The following ABCC1 variants were observed in gnomAD, a reference collection of about 807,000 sequenced individuals.
ABCC1 encodes ATP binding cassette subfamily C member 1 (ABCC1 blood group).
Under a neutral mutation model 172.9 loss-of-function variants are expected in ABCC1, and 83 were observed. The ratio of observed to expected loss-of-function variants is 0.48; its 90% confidence interval spans 0.40 to 0.58. The LOEUF (loss-of-function observed/expected upper bound fraction) is 0.58, where lower values mean the gene tolerates loss of function less well. Among genes scored for constraint, ABCC1 ranks in the 20% least tolerant of loss-of-function variants. ABCC1 has a pLI of 0.00. For synonymous variants in ABCC1, 937 were observed against 825.2 expected (o/e 1.14, Z -2.32); for missense variants, 1,817 against 2,002.7 (o/e 0.91, Z 1.77).
At chr16:15,950,226 C>T (rs555359212) in intron 1 of ABCC1, among the ~76,000 whole-genome samples, 220 of 93,070 alleles carry the variant, frequency 2.4e-3, no homozygotes, top group African/African-American at 4.9e-3. Context: ...AAAAATACTC[C>T]GTGACCAACG....
intron 19 of ABCC1, among the ~76,000 whole-genome samples, chr16:16,100,153 C>T (rs1325178910): frequency 2.6e-5 from 4 of 152,144 alleles, no homozygotes; most frequent in Admixed American, 6.6e-5. Context: ...TCCTCTTAGG[C>T]GCTTGGTCCT....
At chr16:16,085,256 A>C (rs1302553121) in intron 17 of ABCC1, among the ~76,000 whole-genome samples, 1 of 151,832 alleles carries the variant, frequency 6.6e-6, no homozygotes, top group Non-Finnish European at 1.5e-5. Flanking sequence ...GCCCACCTCC[A>C]CACCTTGGTC....
At chr16:16,124,400 T>TGTGTGTGTGTGTGG (rs1555502644) in intron 24 of ABCC1, among the ~76,000 whole-genome samples, 1 of 130,396 alleles carries the variant, frequency 7.7e-6, no homozygotes, top group African/African-American at 2.9e-5. Flanking sequence ...TGTGTGTGTG[T>TGTGTGTGTGTGTGG]GTGTGTGTGT....
chr16:15,968,147 C>T (rs1419069076), intron 1 of ABCC1, among the ~76,000 whole-genome samples: 1 of 152,140 alleles, frequency 6.6e-6, no homozygotes, highest in Admixed American at 6.5e-5. Flanking sequence ...CCTGCCTCAG[C>T]CTCCCGAGTA....
Position 16,044,571 on chromosome 16 carries a change from C to G in ABCC1, c.931C>G (p.Pro311Ala). 1 of 1,614,120 alleles carries G rather than the reference C, an allele frequency of 6.2e-7. No individual in the cohort carries two copies. Among genetic ancestry groups the G allele is most frequent in the Non-Finnish European group, 8.5e-7 (1 of 1,180,022 alleles). ...IVKSPQKEWN[P>A]SLFKVLYKTF... ...CAAGTCCCCACAGAAGGAGTGGAAC[C>G]CCTCTCTGTTTAAGGTGTTATACAA... is the stretch of plus-strand genomic sequence containing the variant. The change falls in exon 8 of 31, where the codon CCC (proline) becomes GCC (alanine). Residue 311 changes from proline (P) to alanine (A), a missense_variant. Around this residue, in one of 3 missense-constraint regions of ABCC1, gnomAD observed 398 missense variants for 384.2 expected, o/e 1.04. Coordinates refer to ENST00000399410, the MANE Select transcript of ABCC1 (RefSeq NM_004996.4).
intron 12 of ABCC1, among the ~76,000 whole-genome samples, chr16:16,066,303 T>C (rs2050111513): frequency 6.6e-6 from 1 of 152,024 alleles, no homozygotes; most frequent in South Asian, 2.1e-4. Flanking sequence ...TGCCTCAGCC[T>C]ACTGAGTAGC....
At chr16:16,137,545 C>CTTTTTTTTTT (rs151237296) in intron 29 of ABCC1, among the ~76,000 whole-genome samples, 1 of 56,634 alleles carries the variant, frequency 1.8e-5, no homozygotes, top group African/African-American at 5.8e-5. Flanking sequence ...GGTATGAGGC[C>CTTTTTTTTTT]TTTTTTTTTT....
chr16:16,036,295 T>C (rs1279137166), intron 6 of ABCC1, among the ~76,000 whole-genome samples, 177 bp from the exon 7 acceptor site: 1 of 152,078 alleles, frequency 6.6e-6, no homozygotes, highest in East Asian at 1.9e-4. Context: ...TTGTAATATA[T>C]GCAAATGTCC....
At chr16:16,007,364 A>G (rs2047584046) in intron 1 of ABCC1, among the ~76,000 whole-genome samples, 1 of 151,972 alleles carries the variant, frequency 6.6e-6, no homozygotes, top group Non-Finnish European at 1.5e-5. Context: ...AGTGGCTGGG[A>G]ATACAGGCAC....
At chr16:16,016,221 T>C (rs1301841783) in intron 4 of ABCC1, among the ~76,000 whole-genome samples, 2 of 145,450 alleles carry the variant, frequency 1.4e-5, no homozygotes, top group Non-Finnish European at 3.0e-5. Context: ...TGGCGTGATC[T>C]CGGCTCACTG....
At chr16:16,048,385 T>C in intron 10 of ABCC1, 82 bp downstream of exon 10, 1 of 1,531,008 alleles carries the variant, frequency 6.5e-7, no homozygotes, top group Non-Finnish European at 9.0e-7. Context: ...TGGGTGTTGA[T>C]GGTAATGGCA....
chr16:16,055,905 G>GT (rs148316587), intron 11 of ABCC1, among the ~76,000 whole-genome samples, 187 bp from the exon 12 acceptor site: 144 of 150,608 alleles, frequency 9.6e-4, no homozygotes, highest in African/African-American at 2.8e-3. Flanking sequence ...CAGCACAGGA[G>GT]TTTGAGACCA....
chr16:16,036,453 C>G lies in ABCC1; in HGVS notation c.678-19C>G, dbSNP rs745416375. 2.5e-6 allele frequency: 4 copies of G among 1,609,404 alleles called. No individual in the cohort carries two copies. The African/African-American group carries it at 4.0e-5, about 16-fold the overall frequency. ...GTCATTGACTCTCATTGCCTAACCC[C>G]CTTGTGTCTTGGCCCCAGGTTGATT... is the stretch of plus-strand genomic sequence containing the variant. On this transcript the variant is annotated intron_variant, in intron 6 of 30. Transcript: ENST00000399410.
At chr16:16,101,143 A>G (rs2051726711) in intron 19 of ABCC1, among the ~76,000 whole-genome samples, 2 of 151,552 alleles carry the variant, frequency 1.3e-5, no homozygotes, top group Non-Finnish European at 1.5e-5. Context: ...GCAATTCTAG[A>G]GCCTCAGCCT....
intron 20 of ABCC1, among the ~76,000 whole-genome samples, chr16:16,105,757 G>T (rs1044268216): frequency 2.0e-5 from 3 of 149,850 alleles, no homozygotes; most frequent in African/African-American, 7.4e-5. Flanking sequence ...TGTCGCCCAG[G>T]CTGGAGTGCA....
At chr16:16,062,074 T>G (rs1163676304) in intron 12 of ABCC1, among the ~76,000 whole-genome samples, 1 of 152,176 alleles carries the variant, frequency 6.6e-6, no homozygotes, top group Admixed American at 6.6e-5. Flanking sequence ...CACCTGGCCT[T>G]GATGGCATTT....
At chr16:16,058,195 A>G (rs1443532143) in intron 12 of ABCC1, among the ~76,000 whole-genome samples, 1 of 152,242 alleles carries the variant, frequency 6.6e-6, no homozygotes, top group African/African-American at 2.4e-5. Context: ...TCAGGAGACC[A>G]TACAGAGATG....
In ABCC1 at chr16:16,138,509, A is replaced by G. The variant is rs1567447971; in HGVS notation, c.4438A>G (p.Thr1480Ala). The G allele has an allele frequency of 6.4e-7, 1 of 1,570,606 alleles. No homozygotes were observed. ...STIRTQFEDC[T>A]VLTIAHRLNT... ...CATCCGGACACAGTTCGAGGACTGCACCGTCCTCACCATCGCCCACCGGCT... is the reference window on the plus strand; with the variant it reads ...CATCCGGACACAGTTCGAGGACTGCGCCGTCCTCACCATCGCCCACCGGCT... The change falls in exon 30 of 31, where the codon ACC becomes GCC. Residue 1480 changes from threonine (T) to alanine (A), a missense_variant. Transcript: ENST00000399410.
At chr16:16,092,099 G>A (rs891952375) in intron 19 of ABCC1, among the ~76,000 whole-genome samples, 5 of 152,134 alleles carry the variant, frequency 3.3e-5, no homozygotes, top group South Asian at 2.1e-4. Flanking sequence ...TTATCCTGGC[G>A]TGGTGGCGCA....
Sources: allele counts gnomAD v4.1 joint callset (sites outside exome capture counted in the v4.1 genomes callset), GRCh38; gene constraint gnomAD v4.1.1; regional missense constraint gnomAD v4.1.1; transcripts MANE v1.5; gene names NCBI Gene and HGNC (gene_info 2026-07-23, HGNC 2026-07-21).